Variants in ERC2 observed in about 807,000 individuals in gnomAD.
ERC2 encodes the protein ELKS/RAB6-interacting/CAST family member 2, also known as ERC protein 2.
In ERC2, 42 loss-of-function variants were observed where a neutral mutation model predicts 114.8. The ratio of observed to expected loss-of-function variants is 0.37; its 90% CI spans 0.29 to 0.47. ERC2 has a LOEUF of 0.47. Among genes scored for constraint, ERC2 ranks in the 20% least tolerant of loss-of-function variants. The pLI is 0.99. For missense variants in ERC2, 939 were observed against 1,150.7 expected (o/e 0.82, Z 2.66); for synonymous variants, 454 against 425.5 (o/e 1.07, Z -0.82).
chr3:55,723,247 G>C (rs1457703954), intron 15 of ERC2, among the ~76,000 whole-genome samples: 2 of 152,150 alleles, frequency 1.3e-5, no homozygotes, highest in Admixed American at 1.3e-4. Context: ...TATATATGTA[G>C]ACAATGGAAT....
intron 3 of ERC2, among the ~76,000 whole-genome samples, chr3:56,234,212 A>G (rs2150184880): frequency 6.6e-6 from 1 of 152,380 alleles, no homozygotes; most frequent in South Asian, 2.1e-4. Flanking sequence ...GAGTAGCAGC[A>G]TGAAATAAAC....
rs187393949 is a variant in ERC2, at chr3:56,429,845, G to A, written c.657+4506C>T. Among the ~76,000 whole-genome samples the A allele has an allele frequency of 5.3e-5, 8 of 152,200 alleles. No individual in the cohort carries two copies. In the East Asian group the frequency reaches 1.5e-3, roughly 29 times the overall value. On this transcript the variant is annotated intron_variant, in intron 2 of 17. Transcript: ENST00000288221. Reference sequence around the variant, plus strand: ...TAGCTCCAAGGTTCCAAATAGTCCTGCACTCCCTGTAACACAGAGAGGGAG... The same window carrying A: ...TAGCTCCAAGGTTCCAAATAGTCCTACACTCCCTGTAACACAGAGAGGGAG...
chr3:55,559,716 T>C (rs2055872074), intron 17 of ERC2, among the ~76,000 whole-genome samples: 1 of 152,240 alleles, frequency 6.6e-6, no homozygotes, highest in African/African-American at 2.4e-5. Context: ...TCCTTGCCTT[T>C]GGCCTCTCTC....
chr3:56,390,227 A>C (rs4246674), intron 2 of ERC2, among the ~76,000 whole-genome samples: 51,296 of 152,046 alleles, frequency 0.34, 8,854 homozygotes, highest in African/African-American at 0.38. Context: ...TGCATAAAAT[A>C]CCCATCACTC....
chr3:55,689,797 CA>C (rs1318877326), intron 16 of ERC2, among the ~76,000 whole-genome samples: 1,513 of 86,296 alleles, frequency 0.018, 20 homozygotes, highest in African/African-American at 0.06. Context: ...GACTCCGTCT[CA>C]AAAAAAAAAA....
At chr3:56,344,584 C>T (rs1441604395) in intron 2 of ERC2, among the ~76,000 whole-genome samples, 1 of 152,226 alleles carries the variant, frequency 6.6e-6, no homozygotes, top group East Asian at 1.9e-4. Context: ...CACCCATATA[C>T]TATGCATTTA....
chr3:55,962,542 A>G (rs1267374723), intron 12 of ERC2, among the ~76,000 whole-genome samples: 1 of 152,246 alleles, frequency 6.6e-6, no homozygotes, highest in Admixed American at 6.5e-5. Flanking sequence ...CCTGGTCTAG[A>G]ACATGAGACC....
At chr3:56,087,345 G>A (rs1025407968) in intron 6 of ERC2, among the ~76,000 whole-genome samples, 1 of 152,046 alleles carries the variant, frequency 6.6e-6, no homozygotes, top group African/African-American at 2.4e-5. Flanking sequence ...TTGGCAAAAC[G>A]TTGCCAAAAT....
At chr3:56,222,599 A>G (rs9311599) in intron 3 of ERC2, among the ~76,000 whole-genome samples, 52,318 of 152,044 alleles carry the variant, frequency 0.34, 10,222 homozygotes, top group Middle Eastern at 0.48. Flanking sequence ...CCATCTACTC[A>G]TAAGTACTTA....
chr3:55,977,591 A>G (rs529690924), intron 12 of ERC2, among the ~76,000 whole-genome samples: 1 of 152,344 alleles, frequency 6.6e-6, no homozygotes, highest in African/African-American at 2.4e-5. Flanking sequence ...TTGCACTGGC[A>G]GAGTTTATGG....
chr3:56,074,953 C>G (rs544237193), intron 7 of ERC2, among the ~76,000 whole-genome samples: 2 of 152,140 alleles, frequency 1.3e-5, no homozygotes, highest in Non-Finnish European at 2.9e-5. Flanking sequence ...GCACATTGAT[C>G]AAGGAGCATC....
At chr3:55,620,681 G>C (rs1269087570) in intron 17 of ERC2, among the ~76,000 whole-genome samples, 1 of 152,140 alleles carries the variant, frequency 6.6e-6, no homozygotes, top group African/African-American at 2.4e-5. Flanking sequence ...GAACTGGGTG[G>C]CTTTTACCGA....
chr3:56,458,376 T>C (rs1282142307), intron 1 of ERC2, among the ~76,000 whole-genome samples: 1 of 152,212 alleles, frequency 6.6e-6, no homozygotes, highest in Admixed American at 6.5e-5. Flanking sequence ...AGGTCAGTGC[T>C]ATGTCTCTGT....
intron 17 of ERC2, among the ~76,000 whole-genome samples, chr3:55,532,932 C>T (rs1192954495): frequency 3.3e-5 from 5 of 152,160 alleles, no homozygotes; most frequent in East Asian, 1.9e-4. Flanking sequence ...GGGCTTTCAA[C>T]GGAACAGGAA....
chr3:56,365,213 T>C (rs1022311855), intron 2 of ERC2, among the ~76,000 whole-genome samples: 4 of 152,236 alleles, frequency 2.6e-5, no homozygotes, highest in African/African-American at 9.6e-5. Context: ...AATCAGTGAC[T>C]GTATATAAGA....
chr3:55,580,453 T>G (rs971949770), intron 17 of ERC2, among the ~76,000 whole-genome samples: 1 of 152,198 alleles, frequency 6.6e-6, no homozygotes, highest in Non-Finnish European at 1.5e-5. Context: ...GCATTTCCTT[T>G]GGAAATCACT....
At chr3:55,683,736 C>G in intron 17 of ERC2, 58 bp downstream of exon 17, 2 of 1,386,958 alleles carry the variant, frequency 1.4e-6, no homozygotes, top group Non-Finnish European at 2.0e-6. Context: ...AGCACGCACA[C>G]AATACAACAC....
At chr3:55,581,952 C>T (rs2057283261) in intron 17 of ERC2, among the ~76,000 whole-genome samples, 1 of 152,158 alleles carries the variant, frequency 6.6e-6, no homozygotes, top group South Asian at 2.1e-4. Flanking sequence ...AATATACATG[C>T]ATGCTGTCCC....
chr3:56,214,283 G>C (rs1237841535), intron 3 of ERC2, among the ~76,000 whole-genome samples: 3 of 151,904 alleles, frequency 2.0e-5, no homozygotes, highest in South Asian at 2.1e-4. Flanking sequence ...ATAACCAATG[G>C]AGAGAAGCCC....
Sources: gnomAD v4.1 joint callset for allele counts (sites outside exome capture counted in the v4.1 genomes callset) on GRCh38, gnomAD v4.1.1 for gene constraint, MANE v1.5 for transcripts, NCBI Gene and HGNC (gene_info 2026-07-23, HGNC 2026-07-21) for gene names.